The following CADM2 variants were observed in gnomAD, a reference collection of about 807,000 sequenced individuals.
The protein encoded by CADM2 is immunoglobulin superfamily member 4D.
Under a neutral mutation model 49.8 loss-of-function variants are expected in CADM2, and 12 were observed. That is an observed-to-expected ratio of 0.24 (90% CI 0.15 to 0.39). The LOEUF (loss-of-function observed/expected upper bound fraction) is 0.39, where lower values mean the gene tolerates loss of function less well. CADM2 is among the 10% of genes least tolerant of loss of function. The pLI, the probability that CADM2 is intolerant of heterozygous loss-of-function variation, is 1.00. For missense variants in CADM2, 378 were observed against 492.3 expected (o/e 0.77, Z 2.20); for synonymous variants, 214 against 175.4 (o/e 1.22, Z -1.74).
At chr3:85,209,779 A>G (rs753363294) in intron 1 of CADM2, among the ~76,000 whole-genome samples, 28 of 152,130 alleles carry the variant, frequency 1.8e-4, no homozygotes, top group Admixed American at 1.3e-4. Context: ...TTAAAACACT[A>G]CTAGCTCTCT....
In CADM2 at chr3:85,392,883, A is replaced by G. The variant is rs373405950; in HGVS notation, c.62-333639A>G. 6.3e-4 allele frequency among the ~76,000 whole-genome samples: 96 copies of G among 152,180 alleles called. No individual in the cohort carries two copies. In the South Asian group the frequency reaches 0.019, roughly 31 times the overall value. On this transcript the variant is annotated intron_variant, in intron 1 of 9. Coordinates refer to ENST00000383699, the MANE Select transcript of CADM2 (RefSeq NM_001167675.2). ...TTCTCATCCACATGGAGGCCTTCAT[A>G]TTTATTCTTACTATCATTTTTAATT...
chr3:85,229,170 G>A (rs554342467), intron 1 of CADM2, among the ~76,000 whole-genome samples: 65 of 152,230 alleles, frequency 4.3e-4, no homozygotes, highest in African/African-American at 1.2e-3. Flanking sequence ...AACCAAGCTC[G>A]TGAATTCCAG....
intron 1 of CADM2, among the ~76,000 whole-genome samples, chr3:85,297,449 G>T (rs553802133): frequency 8.6e-5 from 13 of 151,902 alleles, no homozygotes; most frequent in Non-Finnish European, 1.8e-4. Flanking sequence ...GAATCCTTTG[G>T]ATGACATTTT....
At chr3:86,029,248 T>A (rs1052726896) in intron 8 of CADM2, among the ~76,000 whole-genome samples, 1 of 152,076 alleles carries the variant, frequency 6.6e-6, no homozygotes, top group African/African-American at 2.4e-5. Context: ...TCCTTTAAGA[T>A]TAAAATTGGG....
chr3:85,603,785 C>T (rs1020370928), intron 1 of CADM2, among the ~76,000 whole-genome samples: 3 of 151,878 alleles, frequency 2.0e-5, no homozygotes, highest in Admixed American at 1.3e-4. Flanking sequence ...CCAAATAAAT[C>T]AGTACAACCA....
chr3:85,921,516 G>C (rs948497788), intron 6 of CADM2, among the ~76,000 whole-genome samples: 1 of 151,790 alleles, frequency 6.6e-6, no homozygotes, highest in Non-Finnish European at 1.5e-5. Flanking sequence ...AGCAGTTTTG[G>C]GTTTACTGAT....
chr3:85,757,416 T>G (rs554561761), intron 2 of CADM2, among the ~76,000 whole-genome samples: 1 of 152,232 alleles, frequency 6.6e-6, no homozygotes, highest in African/African-American at 2.4e-5. Context: ...GTCCCAATAC[T>G]TTAATTTTTG....
chr3:85,914,938 AT>A (rs1718086693), intron 6 of CADM2, among the ~76,000 whole-genome samples: 1 of 152,176 alleles, frequency 6.6e-6, no homozygotes, highest in South Asian at 2.1e-4. Flanking sequence ...AATTTTGCTA[AT>A]TTTGTGGACA....
rs181944427 is a variant in CADM2, at chr3:85,217,405, A to C, written c.61+257737A>C. On this transcript the variant is annotated intron_variant, in intron 1 of 9. Transcript: ENST00000383699. The stretch of plus-strand genomic sequence containing the variant: ...ACAGTAAGAGACAAAAGATATGAGC[A>C]CTTTAGCATTTATATGTATTTTAAT... 2.6e-5 allele frequency among the ~76,000 whole-genome samples: 4 copies of C among 152,090 alleles called. No individual in the cohort carries two copies. In the East Asian group the frequency reaches 7.7e-4, roughly 29 times the overall value.
At chr3:86,000,778 T>C (rs1033893833) in intron 8 of CADM2, among the ~76,000 whole-genome samples, 3 of 151,958 alleles carry the variant, frequency 2.0e-5, no homozygotes, top group African/African-American at 4.8e-5. Flanking sequence ...AAATATGTGG[T>C]AGTTGAATTA....
intron 1 of CADM2, among the ~76,000 whole-genome samples, chr3:85,647,167 T>G (rs550454564): frequency 1.3e-5 from 2 of 151,920 alleles, no homozygotes; most frequent in Admixed American, 1.3e-4. Flanking sequence ...CAAGTACCCA[T>G]GAAAGATACA....
At chr3:85,567,481 C>G (rs1349883492) in intron 1 of CADM2, among the ~76,000 whole-genome samples, 1 of 152,032 alleles carries the variant, frequency 6.6e-6, no homozygotes, top group East Asian at 1.9e-4. Flanking sequence ...GATTATTTTC[C>G]CCTACAATTG....
intron 2 of CADM2, among the ~76,000 whole-genome samples, chr3:85,745,169 C>T (rs1268742837): frequency 1.3e-5 from 2 of 152,136 alleles, no homozygotes; most frequent in Non-Finnish European, 2.9e-5. Context: ...ATTTCTACCT[C>T]AGTGGCTTTT....
intron 1 of CADM2, among the ~76,000 whole-genome samples, chr3:85,106,381 A>G (rs754443496): frequency 2.6e-5 from 4 of 152,156 alleles, no homozygotes; most frequent in Admixed American, 1.3e-4. Context: ...GATTTTGAAG[A>G]GAAGGTACTT....
intron 8 of CADM2, chr3:86,014,005 C>CT: frequency 1.4e-6 from 2 of 1,420,146 alleles, no homozygotes; most frequent in Non-Finnish European, 1.9e-6. Context: ...GAAGTTTGTT[C>CT]TTTTTTCCCT....
intron 8 of CADM2, among the ~76,000 whole-genome samples, chr3:86,055,481 G>GTTTTTTTTTTTTTTTTTTTTTTTT (rs1440467932): frequency 4.1e-5 from 5 of 121,042 alleles, no homozygotes; most frequent in Non-Finnish European, 3.3e-5. Context: ...TTTTTTTTTG[G>GTTTTTTTTTTTTTTTTTTTTTTTT]TTTTAGAGGG....
intron 1 of CADM2, among the ~76,000 whole-genome samples, chr3:85,289,330 G>T (rs1468207459): frequency 6.6e-6 from 1 of 152,112 alleles, no homozygotes; most frequent in African/African-American, 2.4e-5. Flanking sequence ...TTTTAAGTGA[G>T]GTTAGAGACA....
intron 8 of CADM2, among the ~76,000 whole-genome samples, chr3:86,034,293 C>A (rs978648102): frequency 6.6e-6 from 1 of 151,866 alleles, no homozygotes; most frequent in Non-Finnish European, 1.5e-5. Flanking sequence ...GTTGAAAGTT[C>A]ATTTGCTGTG....
At chr3:85,645,555 C>T (rs781379843) in intron 1 of CADM2, among the ~76,000 whole-genome samples, 2 of 151,868 alleles carry the variant, frequency 1.3e-5, no homozygotes, top group Non-Finnish European at 2.9e-5. Flanking sequence ...AAAGTCACTA[C>T]ATGATTTTCA....
Sources: gnomAD v4.1 joint callset for allele counts (sites outside exome capture counted in the v4.1 genomes callset) on GRCh38, gnomAD v4.1.1 for gene constraint, MANE v1.5 for transcripts, NCBI Gene and HGNC (gene_info 2026-07-23, HGNC 2026-07-21) for gene names.